The following KIFAP3 variants were observed in gnomAD, a reference collection of about 807,000 sequenced individuals.
The protein encoded by KIFAP3 is kinesin-associated protein 3.
A neutral mutation model predicts 106.5 loss-of-function variants in KIFAP3; 68 were observed. That is an observed-to-expected ratio of 0.64 (90% CI 0.53 to 0.78). The LOEUF (loss-of-function observed/expected upper bound fraction) is 0.78. Ranked by LOEUF, KIFAP3 falls within the 30% of genes least tolerant of loss-of-function variation. The probability of loss-of-function intolerance (pLI) is 0.00; values close to 1 mark genes in which losing one functional copy is unlikely to be tolerated. For synonymous variants in KIFAP3, 320 were observed against 311.5 expected (o/e 1.03, Z -0.29); for missense variants, 780 against 941.8 (o/e 0.83, Z 2.25).
At chr1:169,954,822 A>G (rs1664923698) in intron 18 of KIFAP3, among the ~76,000 whole-genome samples, 2 of 152,290 alleles carry the variant, frequency 1.3e-5, no homozygotes, top group South Asian at 2.1e-4. Context: ...AAATAGTTCT[A>G]TACTAGTATG....
At chr1:169,996,798 A>G (rs1484486744) in intron 10 of KIFAP3, among the ~76,000 whole-genome samples, 3 of 152,164 alleles carry the variant, frequency 2.0e-5, no homozygotes, top group Non-Finnish European at 4.4e-5. Flanking sequence ...CATGGGGAAA[A>G]GGGTGAGAAG....
chr1:169,978,109 T>C lies in KIFAP3; in HGVS notation c.1873A>G (p.Arg625Gly). Residue 625 changes from arginine (R) to glycine (G), a missense_variant, in exon 16 of 20, where the codon AGA becomes GGA. Coordinates refer to ENST00000361580, the MANE Select transcript of KIFAP3 (RefSeq NM_014970.4). ...FYQMVFHQATRDVIIKETQAP... is the reference protein window; with the variant it reads ...FYQMVFHQATGDVIIKETQAP... ...CGTGTTTCCTTGATTATGACGTCTC[T>C]TGTGGCTTGGTGGAAAACCATCTGG... is the stretch of plus-strand genomic sequence containing the variant. 4 of 1,610,230 alleles carry C rather than the reference T, an allele frequency of 2.5e-6. No homozygotes were observed. Among genetic ancestry groups the C allele is most frequent in the Non-Finnish European group, 2.5e-6 (3 of 1,176,866 alleles).
At chr1:170,081,077 C>A (rs1185371752) in intron 1 of KIFAP3, among the ~76,000 whole-genome samples, 1 of 152,100 alleles carries the variant, frequency 6.6e-6, no homozygotes, top group Non-Finnish European at 1.5e-5. Flanking sequence ...AAATTTAAAA[C>A]TTCCCTTTGA....
chr1:170,021,734 C>A (rs1281324948), intron 9 of KIFAP3, among the ~76,000 whole-genome samples: 1 of 151,722 alleles, frequency 6.6e-6, no homozygotes, highest in Non-Finnish European at 1.5e-5. Context: ...GCCACCACAC[C>A]CAGCCCGTTA....
intron 1 of KIFAP3, among the ~76,000 whole-genome samples, chr1:170,063,786 C>A (rs1373889002): frequency 1.3e-5 from 2 of 152,164 alleles, no homozygotes; most frequent in Non-Finnish European, 2.9e-5. Context: ...ATTGCGGGAC[C>A]TTTCCCTGTC....
chr1:170,085,034 C>A (rs1330153830), intron 1 of KIFAP3: 2 of 152,200 alleles, frequency 1.3e-5, no homozygotes, highest in African/African-American at 4.8e-5. Context: ...ATCTTTCTTA[C>A]CTTGTGATTG....
chr1:169,946,380 C>T (rs1664440472), intron 19 of KIFAP3, among the ~76,000 whole-genome samples: 1 of 151,422 alleles, frequency 6.6e-6, no homozygotes, highest in Admixed American at 6.6e-5. Flanking sequence ...TTAAATCAAA[C>T]TGGGTAAACA....
upstream of KIFAP3, chr1:170,074,810 G>A (rs942487469): frequency 8.6e-7 from 1 of 1,166,450 alleles, no homozygotes; most frequent in Non-Finnish European, 1.1e-6. Flanking sequence ...GGAAGTTTTG[G>A]TGCAGTTTTG....
intron 10 of KIFAP3, among the ~76,000 whole-genome samples, chr1:169,999,479 G>A (rs1212720699): frequency 6.6e-6 from 1 of 152,162 alleles, no homozygotes; most frequent in African/African-American, 2.4e-5. Context: ...TTTAAGCAAG[G>A]GCAGTGAAAA....
At position 170,050,404 on chromosome 1, in the gene KIFAP3, G is replaced by C. The variant is rs959408574; in HGVS notation, c.165-3538C>G. ...AAAGTGACAGGGAGAATGGAACCAA[G>C]TTGGAAAACACACTTCAGGATATTA... On this transcript the variant is annotated intron_variant, in intron 2 of 19. Transcript: ENST00000361580. Among the ~76,000 whole-genome samples the C allele has an allele frequency of 3.9e-5, 6 of 152,292 alleles. No individual in the cohort carries two copies. In the East Asian group the frequency reaches 1.2e-3, roughly 29 times the overall value.
At chr1:170,084,637 T>C (rs1019780507) in intron 1 of KIFAP3, among the ~76,000 whole-genome samples, 7 of 152,086 alleles carry the variant, frequency 4.6e-5, no homozygotes, top group Non-Finnish European at 7.4e-5. Flanking sequence ...AGGGATATTA[T>C]AGAGAAAGGC....
intron 6 of KIFAP3, among the ~76,000 whole-genome samples, chr1:170,034,980 C>CA (rs1669607770): frequency 6.6e-6 from 1 of 151,742 alleles, no homozygotes; most frequent in African/African-American, 2.4e-5. Context: ...ACAGAAGCAG[C>CA]AATTATCTAG....
chr1:169,992,531 C>T (rs1667155170), intron 10 of KIFAP3, among the ~76,000 whole-genome samples: 1 of 151,950 alleles, frequency 6.6e-6, no homozygotes. Context: ...TTTCATGAGT[C>T]CAATATAAAA....
At chr1:169,932,084 T>C (rs1663518036) in intron 19 of KIFAP3, among the ~76,000 whole-genome samples, 1 of 152,180 alleles carries the variant, frequency 6.6e-6, no homozygotes. Flanking sequence ...AATTTCACTT[T>C]AAACTAAATG....
chr1:169,972,841 C>T (rs941757870), intron 16 of KIFAP3, among the ~76,000 whole-genome samples: 1 of 151,242 alleles, frequency 6.6e-6, no homozygotes, highest in East Asian at 1.9e-4. Flanking sequence ...AAAACAAAGT[C>T]AGTAAATCTC....
intron 19 of KIFAP3, among the ~76,000 whole-genome samples, chr1:169,948,373 A>G (rs1664553281): frequency 6.6e-6 from 1 of 151,932 alleles, no homozygotes; most frequent in South Asian, 2.1e-4. Flanking sequence ...TTTTCTGCTG[A>G]GAAAAAGTAA....
At chr1:169,926,646 T>C in intron 19 of KIFAP3, among the ~76,000 whole-genome samples, 1 of 148,366 alleles carries the variant, frequency 6.7e-6, no homozygotes, top group South Asian at 2.2e-4. Context: ...ACATGTAACA[T>C]TAAGTTTTTT....
intron 1 of KIFAP3, chr1:170,068,804 T>G (rs1313352087): frequency 6.6e-6 from 1 of 151,690 alleles, no homozygotes; most frequent in South Asian, 2.1e-4. Context: ...ATAAAAGATT[T>G]TGAATTAATA....
At chr1:169,940,439 C>T (rs1664046032) in intron 19 of KIFAP3, among the ~76,000 whole-genome samples, 1 of 152,150 alleles carries the variant, frequency 6.6e-6, no homozygotes, top group Non-Finnish European at 1.5e-5. Flanking sequence ...TTTTTGGCAC[C>T]AGGTACTGGT....
Sources: allele counts gnomAD v4.1 joint callset (sites outside exome capture counted in the v4.1 genomes callset), GRCh38; gene constraint gnomAD v4.1.1; transcripts MANE v1.5; gene names NCBI Gene and HGNC (gene_info 2026-07-23, HGNC 2026-07-21).